Variants in CTNNAL1 observed in about 807,000 individuals in gnomAD.
The protein encoded by CTNNAL1 is catenin alpha like 1, also known as alpha-catulin.
A neutral mutation model predicts 93.6 loss-of-function variants in CTNNAL1; 69 were observed. That is an observed-to-expected ratio of 0.74 (90% CI 0.61 to 0.90). CTNNAL1 has a LOEUF of 0.90. CTNNAL1 is among the 40% of genes least tolerant of loss of function. The probability of loss-of-function intolerance (pLI) is 0.00; values close to 1 mark genes in which losing one functional copy is unlikely to be tolerated. For synonymous variants in CTNNAL1, 286 were observed against 305.4 expected (o/e 0.94, Z 0.66); for missense variants, 836 against 862.0 (o/e 0.97, Z 0.38).
chr9:109,007,820 T>C (rs1405369074), intron 1 of CTNNAL1, among the ~76,000 whole-genome samples: 2 of 152,232 alleles, frequency 1.3e-5, no homozygotes, highest in African/African-American at 4.8e-5. Context: ...TCCTTGTCCA[T>C]ATCACTCTCT....
At chr9:109,003,543 G>A (rs971316218) in intron 1 of CTNNAL1, among the ~76,000 whole-genome samples, 1 of 152,206 alleles carries the variant, frequency 6.6e-6, no homozygotes, top group African/African-American at 2.4e-5. Flanking sequence ...CAGGACTTGA[G>A]TCTTAATCAA....
chr9:108,992,713 T>C lies in CTNNAL1; in HGVS notation c.438A>G (p.Arg146=), dbSNP rs1397361740. Residue 146 remains arginine, a synonymous_variant, in exon 3 of 19, where the codon AGA becomes AGG. Transcript: ENST00000325551. The part of the protein sequence containing the change: ...TDKTGVIKAA[R]LLLSSVTKVL... Reference sequence around the variant, plus strand: ...CTTTTGTCACTGAAGAAAGAAGTAATCTTGCAGCCTTTATCACTCCTGTTT... The same window carrying C: ...CTTTTGTCACTGAAGAAAGAAGTAACCTTGCAGCCTTTATCACTCCTGTTT... The C allele has an allele frequency of 4.3e-6, 7 of 1,613,942 alleles. No individual in the cohort carries two copies. In the Admixed American group the frequency reaches 1.0e-4, roughly 23 times the overall value.
chr9:108,970,298 T>A, intron 10 of CTNNAL1, 104 bp downstream of exon 10: 1 of 949,982 alleles, frequency 1.1e-6, no homozygotes, highest in Non-Finnish European at 1.5e-6. Flanking sequence ...CTATGTATAT[T>A]TGGACTCTAG....
intron 8 of CTNNAL1, 31 bp from the exon 9 acceptor site, chr9:108,972,864 G>GGGGGGGGGGGGA: frequency 3.5e-5 from 5 of 142,590 alleles, no homozygotes; most frequent in Non-Finnish European, 5.0e-5. Context: ...GGGGGGGTGG[G>GGGGGGGGGGGGA]AGGGTGGAGA....
rs142243791 is a variant in CTNNAL1 at position 108,945,543 on chromosome 9, C to T, written c.1885-1525G>A. 2.5e-3 allele frequency among the ~76,000 whole-genome samples: 373 copies of T among 150,740 alleles called. 3 individuals are homozygous for T. Among genetic ancestry groups the T allele is most frequent in the African/African-American group, 8.4e-3 (346 of 40,992 alleles). On this transcript the variant is annotated intron_variant, in intron 15 of 18. Coordinates refer to ENST00000325551, the MANE Select transcript of CTNNAL1 (RefSeq NM_003798.4). The stretch of plus-strand genomic sequence containing the variant: ...GTGGTGTGATCACAGCTCACTACAG[C>T]CTTGACCTCCCAGGCTCAAGCGATC...
chr9:108,993,808 C>A (rs1267932058), intron 2 of CTNNAL1, among the ~76,000 whole-genome samples: 1 of 152,152 alleles, frequency 6.6e-6, no homozygotes, highest in Non-Finnish European at 1.5e-5. Flanking sequence ...GATTTTCTTA[C>A]AAAAGCCCTC....
intron 1 of CTNNAL1, 102 bp from the exon 2 acceptor site, chr9:108,999,358 A>C: frequency 1.0e-5 from 11 of 1,078,634 alleles, no homozygotes; most frequent in Non-Finnish European, 1.4e-5. Flanking sequence ...TGTATAGCTC[A>C]ATAGACTAAA....
At chr9:108,943,893 G>C in intron 16 of CTNNAL1, 69 bp downstream of exon 16, 1 of 1,596,560 alleles carries the variant, frequency 6.3e-7, no homozygotes, top group Non-Finnish European at 8.6e-7. Flanking sequence ...TTTATACATT[G>C]ATATTATACC....
chr9:108,979,760 C>T (rs1307955666), intron 6 of CTNNAL1, among the ~76,000 whole-genome samples: 1 of 152,240 alleles, frequency 6.6e-6, no homozygotes, highest in African/African-American at 2.4e-5. Context: ...GAGCATCATC[C>T]TCTAGCAACT....
At chr9:108,951,227 G>A (rs923869783) in intron 14 of CTNNAL1, among the ~76,000 whole-genome samples, 3 of 150,726 alleles carry the variant, frequency 2.0e-5, no homozygotes, top group Non-Finnish European at 4.4e-5. Flanking sequence ...GTGTTAACCA[G>A]GATGGTCTCG....
rs114626685 is a variant in CTNNAL1 at position 108,957,611 on chromosome 9, A to G, written c.1592-1784T>C. On this transcript the variant is annotated intron_variant, in intron 11 of 18. Transcript: ENST00000325551. Reference sequence around the variant, plus strand: ...ATGGCTTTCTGATTTCAGAATGGTGAGGGGAAAAAACTTAAAAAGGAAGAG... The same window carrying G: ...ATGGCTTTCTGATTTCAGAATGGTGGGGGGAAAAAACTTAAAAAGGAAGAG... Among the ~76,000 whole-genome samples the G allele has an allele frequency of 3.4e-3, 513 of 152,198 alleles. 3 individuals are homozygous for G. Among genetic ancestry groups the G allele is most frequent in the African/African-American group, 0.011 (463 of 41,530 alleles).
intron 14 of CTNNAL1, among the ~76,000 whole-genome samples, 160 bp downstream of exon 14, chr9:108,952,049 G>C (rs1347864135): frequency 2.0e-5 from 3 of 152,144 alleles, no homozygotes. Flanking sequence ...GTGTCTTGTT[G>C]TTGCATTCAC....
intron 6 of CTNNAL1, among the ~76,000 whole-genome samples, chr9:108,982,133 T>C (rs755206475): frequency 6.6e-6 from 1 of 152,138 alleles, no homozygotes; most frequent in Admixed American, 6.5e-5. Context: ...CCAGAAAGCA[T>C]CTTCACCATG....
chr9:108,995,906 T>C (rs1831998304), intron 2 of CTNNAL1, among the ~76,000 whole-genome samples: 1 of 151,998 alleles, frequency 6.6e-6, no homozygotes, highest in Non-Finnish European at 1.5e-5. Context: ...CAATATACCC[T>C]GCTTGCAAGT....
rs1465135033 is a variant in CTNNAL1 at position 108,943,013 on chromosome 9, A to G, written c.2087T>C (p.Met696Thr). 5.0e-6 allele frequency: 8 copies of G among 1,612,776 alleles called. No individual in the cohort carries two copies. Among genetic ancestry groups the G allele is most frequent in the South Asian group, 1.1e-5 (1 of 90,514 alleles). ...VDKCITKTRSMMALLVQLLSL... is the reference protein window; with the variant it reads ...VDKCITKTRSTMALLVQLLSL... ...AAGAAGTTGGACTAAGAGAGCCATC[A>G]TGGATCTTGTCTTCGTAATACACTT... is the stretch of plus-strand genomic sequence containing the variant. Residue 696 changes from methionine to threonine, a missense_variant, in exon 18 of 19, where the codon ATG becomes ACG. Met to Thr is a moderately conservative substitution (Grantham distance 81). Transcript: ENST00000325551.
intron 1 of CTNNAL1, among the ~76,000 whole-genome samples, chr9:109,000,016 C>T (rs1826738811): frequency 6.6e-6 from 1 of 152,110 alleles, no homozygotes; most frequent in African/African-American, 2.4e-5. Flanking sequence ...TGTACATGTA[C>T]TAGTATTAAA....
Position 108,942,990 on chromosome 9 carries a change from G to C in CTNNAL1, c.2110C>G (p.Leu704Val), listed in dbSNP as rs779032394. 6.2e-7 allele frequency: 1 copy of C among 1,613,028 alleles called. No homozygotes were observed. The highest frequency in any genetic ancestry group is 8.5e-7 in the Non-Finnish European group (1 of 1,179,760). ...TTCAGCAGTTTATAACAAAGTGAAA[G>C]AAGTTGGACTAAGAGAGCCATCATG... ...RSMMALLVQL[L>V]SLCYKLLKKL... The change falls in exon 18 of 19, where the codon CTT (leucine) becomes GTT (valine). Residue 704 changes from leucine to valine, a missense_variant. Leu to Val is a conservative substitution (Grantham distance 32). Transcript: ENST00000325551.
In CTNNAL1 at chr9:108,970,548, C is replaced by T. The variant is rs576370001; in HGVS notation, c.1348-54G>A. The T allele has an allele frequency of 2.6e-5, 37 of 1,425,024 alleles. No homozygotes were observed. The Admixed American group carries it at 3.3e-4, about 13-fold the overall frequency. The allele number at this position is 1,425,024 out of a possible 1,614,324, so 88.3% of individuals were successfully genotyped here. The stretch of plus-strand genomic sequence containing the variant: ...TTTCACATCCTCATCCTCCACAATA[C>T]ATAGTATCATTTTATAATTAAAAAG... On this transcript the variant is annotated intron_variant, in intron 9 of 18. Transcript: ENST00000325551.
At chr9:108,992,380 A>G (rs1336527516) in intron 3 of CTNNAL1, among the ~76,000 whole-genome samples, 1 of 152,004 alleles carries the variant, frequency 6.6e-6, no homozygotes, top group African/African-American at 2.4e-5. Context: ...TTAACCTAAA[A>G]AGAACTTTTC....
Sources: allele counts gnomAD v4.1 joint callset (sites outside exome capture counted in the v4.1 genomes callset), GRCh38; gene constraint gnomAD v4.1.1; transcripts MANE v1.5; gene names NCBI Gene and HGNC (gene_info 2026-07-23, HGNC 2026-07-21).